USP34: variants seen among roughly 807,000 people sequenced by gnomAD.
The protein encoded by USP34 is ubiquitin carboxyl-terminal hydrolase 34.
USP34 carries 70 observed loss-of-function variants against 460.3 expected under a neutral mutation model. That is an observed-to-expected ratio of 0.15 (90% CI 0.13 to 0.19). USP34 has a LOEUF of 0.19. Ranked by LOEUF, USP34 falls within the 10% of genes least tolerant of loss-of-function variation. USP34 has a pLI of 1.00. For synonymous variants in USP34, 1,647 were observed against 1,405.3 expected (o/e 1.17, Z -3.85); for missense variants, 3,985 against 4,236.2 (o/e 0.94, Z 1.65).
intron 43 of USP34, among the ~76,000 whole-genome samples, chr2:61,262,967 C>A (rs933142239): frequency 6.6e-6 from 1 of 151,862 alleles, no homozygotes; most frequent in African/African-American, 2.4e-5. Flanking sequence ...TGCTTATTGG[C>A]CGCATGTATG....
intron 27 of USP34, among the ~76,000 whole-genome samples, chr2:61,309,280 G>C (rs371658304): frequency 4.6e-5 from 7 of 152,076 alleles, no homozygotes; most frequent in African/African-American, 1.7e-4. Context: ...TTTCTCACAA[G>C]AAACCACTGA....
At chr2:61,340,568 G>A (rs956550165) in intron 16 of USP34, among the ~76,000 whole-genome samples, 3 of 152,078 alleles carry the variant, frequency 2.0e-5, no homozygotes, top group Non-Finnish European at 2.9e-5. Flanking sequence ...CCCTAACACC[G>A]TAGTACTGTC....
At chr2:61,456,190 C>T (rs1040949099) in intron 1 of USP34, among the ~76,000 whole-genome samples, 2 of 152,154 alleles carry the variant, frequency 1.3e-5, no homozygotes, top group African/African-American at 4.8e-5. Context: ...ATTAGATATC[C>T]GTGGGCTTAC....
intron 1 of USP34, among the ~76,000 whole-genome samples, chr2:61,465,351 G>C (rs1573073346): frequency 1.3e-5 from 2 of 152,236 alleles, no homozygotes; most frequent in African/African-American, 4.8e-5. Flanking sequence ...CTCAGGACTA[G>C]AGGTATAACT....
intron 53 of USP34, among the ~76,000 whole-genome samples, chr2:61,237,589 A>T (rs543277427): frequency 5.1e-5 from 6 of 117,964 alleles, no homozygotes; most frequent in East Asian, 2.3e-4. Context: ...TTTTTTAAAG[A>T]CAGGGTCTCA....
At chr2:61,403,857 G>C (rs561088843) in intron 3 of USP34, among the ~76,000 whole-genome samples, 10 of 152,008 alleles carry the variant, frequency 6.6e-5, no homozygotes, top group Non-Finnish European at 1.3e-4. Flanking sequence ...GCCGGGCATG[G>C]TGGCGGGCAC....
chr2:61,318,794 T>C (rs1690827598), intron 22 of USP34, among the ~76,000 whole-genome samples: 2 of 152,152 alleles, frequency 1.3e-5, no homozygotes, highest in African/African-American at 4.8e-5. Context: ...ATTTAAATCA[T>C]GAAGAGTCAC....
intron 23 of USP34, among the ~76,000 whole-genome samples, chr2:61,316,141 G>C (rs1690738494): frequency 6.6e-6 from 1 of 152,126 alleles, no homozygotes; most frequent in African/African-American, 2.4e-5. Context: ...GGGAGGCGGA[G>C]GTTGCAGTGA....
Position 61,470,752 on chromosome 2 carries a change from CG to C in USP34, c.-61del, listed in dbSNP as rs1057181188. On this transcript the variant is annotated 5_prime_UTR_variant, in exon 1 of 80. Coordinates refer to ENST00000398571, the MANE Select transcript of USP34 (RefSeq NM_014709.4). ...GATCACACTGACTGATCCCGACCGG[CG>C]GGGGGGAGGGGAGAGAGGCGGAGGA... 146 of 1,290,704 alleles carry C rather than the reference CG, an allele frequency of 1.1e-4. No homozygotes were observed. Among genetic ancestry groups the C allele is most frequent in the Middle Eastern group, 2.6e-4 (1 of 3,892 alleles). 80.0% of individuals were successfully genotyped at this position (1,290,704 alleles called of 1,614,324 possible).
intron 75 of USP34, among the ~76,000 whole-genome samples, chr2:61,197,359 C>T (rs1031400708): frequency 1.3e-5 from 2 of 152,112 alleles, no homozygotes; most frequent in Admixed American, 6.6e-5. Flanking sequence ...TGAGAGCCAT[C>T]GTTTTATCCT....
rs535416000 is a variant in USP34 at position 61,349,928 on chromosome 2, G to A, written c.1507+332C>T. On this transcript the variant is annotated intron_variant, in intron 12 of 79. Transcript: ENST00000398571. ...AACTTTGAAGCAGAAAACACAACAA[G>A]ATAACTGAATCATTATGTTCTACTC... 1.4e-4 allele frequency among the ~76,000 whole-genome samples: 21 copies of A among 151,224 alleles called. No homozygotes were observed. The South Asian group carries it at 4.4e-3, about 31-fold the overall frequency.
chr2:61,367,949 C>T (rs999349594), intron 10 of USP34, among the ~76,000 whole-genome samples: 2 of 151,974 alleles, frequency 1.3e-5, no homozygotes, highest in South Asian at 2.1e-4. Flanking sequence ...AAGGACTAGT[C>T]GTCTCAGGCA....
intron 20 of USP34, among the ~76,000 whole-genome samples, chr2:61,329,422 G>A (rs1253339863): frequency 2.0e-5 from 3 of 152,132 alleles, no homozygotes; most frequent in Admixed American, 1.3e-4. Context: ...GAAGGATACT[G>A]ACTTGGAATA....
intron 67 of USP34, chr2:61,220,109 G>A (rs1687515757): frequency 2.4e-6 from 1 of 415,480 alleles, no homozygotes; most frequent in Non-Finnish European, 3.9e-6. Flanking sequence ...AAAAATGATA[G>A]TAGTGATGAT....
intron 75 of USP34, among the ~76,000 whole-genome samples, chr2:61,198,667 G>A (rs567115166): frequency 2.6e-5 from 4 of 151,850 alleles, no homozygotes; most frequent in Admixed American, 6.6e-5. Context: ...TCAGGAGTTC[G>A]AGACCAGCCT....
chr2:61,348,183 A>G lies in USP34; in HGVS notation c.1972T>C (p.Ser658Pro). Residue 658 changes from serine to proline, a missense_variant, in exon 15 of 80, where the codon TCC becomes CCC. Ser to Pro is a moderately conservative substitution (Grantham distance 74). Transcript: ENST00000398571. Reference sequence around the variant, plus strand: ...CCATTTCTTTCTGACATGCCTTGGGAGTCCCCCAGGCAAATGCCTGCTTGA... The same window carrying G: ...CCATTTCTTTCTGACATGCCTTGGGGGTCCCCCAGGCAAATGCCTGCTTGA... ...ESQAGICLGD[S>P]QGMSERNGTS... The G allele has an allele frequency of 6.2e-7, 1 of 1,614,146 alleles. No homozygotes were observed. The highest frequency in any genetic ancestry group is 8.5e-7 in the Non-Finnish European group (1 of 1,180,024).
chr2:61,207,928 A>G (rs1687165486), intron 70 of USP34: 2 of 152,318 alleles, frequency 1.3e-5, no homozygotes, highest in Admixed American at 1.3e-4. Flanking sequence ...CTGAAAAAAC[A>G]TCCTACCTGT....
intron 38 of USP34, among the ~76,000 whole-genome samples, 153 bp from the exon 39 acceptor site, chr2:61,280,501 G>C (rs1225627453): frequency 1.3e-5 from 2 of 152,052 alleles, no homozygotes; most frequent in Non-Finnish European, 2.9e-5. Flanking sequence ...CTTAGTTTCT[G>C]TAAAATCAGA....
chr2:61,431,750 G>A (rs1694681142), intron 1 of USP34, among the ~76,000 whole-genome samples: 1 of 151,976 alleles, frequency 6.6e-6, no homozygotes, highest in South Asian at 2.1e-4. Context: ...AGCTACTTGA[G>A]ACCCGCGGCA....
Sources: gnomAD v4.1 joint callset for allele counts (sites outside exome capture counted in the v4.1 genomes callset) on GRCh38, gnomAD v4.1.1 for gene constraint, MANE v1.5 for transcripts, NCBI Gene and HGNC (gene_info 2026-07-23, HGNC 2026-07-21) for gene names.